The following PDE4D variants were observed in gnomAD, a reference collection of about 807,000 sequenced individuals.
PDE4D encodes phosphodiesterase 4D, also known as 3',5'-cyclic-AMP phosphodiesterase 4D.
Under a neutral mutation model 87.4 loss-of-function variants are expected in PDE4D, and 24 were observed. That is an observed-to-expected ratio of 0.27 (90% CI 0.20 to 0.39). The LOEUF is 0.39. Among genes scored for constraint, PDE4D ranks in the 10% least tolerant of loss-of-function variants. PDE4D has a pLI of 1.00. For missense variants in PDE4D, 714 were observed against 1,041.0 expected, an observed-to-expected ratio of 0.69 and a Z score of 4.32; for synonymous variants, 384 against 383.2, an observed-to-expected ratio of 1.00 and a Z score of -0.02.
chr5:59,841,556 G>T (rs1020167156), intron 1 of PDE4D, among the ~76,000 whole-genome samples: 1 of 151,954 alleles, frequency 6.6e-6, no homozygotes, highest in African/African-American at 2.4e-5. Context: ...CAGTCACAGG[G>T]CTAGGACCTG....
intron 1 of PDE4D, among the ~76,000 whole-genome samples, chr5:59,783,868 A>G (rs967994126): frequency 3.3e-5 from 5 of 152,100 alleles, no homozygotes; most frequent in African/African-American, 1.2e-4. Flanking sequence ...GGAGTTCAAG[A>G]CCAGCCTGGG....
At chr5:59,134,472 C>G (rs1776747758) in intron 5 of PDE4D, among the ~76,000 whole-genome samples, 1 of 152,028 alleles carries the variant, frequency 6.6e-6, no homozygotes, top group Non-Finnish European at 1.5e-5. Context: ...GAGAGAGAGA[C>G]AGTTTTCTCT....
intron 1 of PDE4D, chr5:59,217,234 G>T (rs749463963): frequency 2.2e-6 from 1 of 455,984 alleles, no homozygotes; most frequent in Non-Finnish European, 4.4e-6. Context: ...TGATAGCCCA[G>T]CAGGTGTGTG....
At chr5:59,418,308 A>G (rs536358828) in intron 1 of PDE4D, among the ~76,000 whole-genome samples, 36 of 152,290 alleles carry the variant, frequency 2.4e-4, no homozygotes, top group Non-Finnish European at 4.7e-4. Context: ...TCCTATCTAC[A>G]TGATTGCCTC....
intron 1 of PDE4D, among the ~76,000 whole-genome samples, chr5:59,360,973 C>T (rs981788283): frequency 1.3e-5 from 2 of 152,048 alleles, no homozygotes; most frequent in African/African-American, 2.4e-5. Context: ...AAGAGGCATG[C>T]TTAAATATAA....
intron 6 of PDE4D, among the ~76,000 whole-genome samples, chr5:59,033,116 TTTA>T (rs1757883453): frequency 6.6e-6 from 1 of 152,148 alleles, no homozygotes; most frequent in Non-Finnish European, 1.5e-5. Flanking sequence ...TAATAAATAC[TTTA>T]TAAAAGATAA....
At chr5:60,355,608 CTT>C (rs1484643756) in intron 1 of PDE4D, among the ~76,000 whole-genome samples, 1 of 152,084 alleles carries the variant, frequency 6.6e-6, no homozygotes, top group South Asian at 2.1e-4. Flanking sequence ...TTGAGTATAA[CTT>C]TTGACTCCCA....
At chr5:59,287,814 G>T (rs1427358709) in intron 1 of PDE4D, among the ~76,000 whole-genome samples, 1 of 152,122 alleles carries the variant, frequency 6.6e-6, no homozygotes, top group African/African-American at 2.4e-5. Flanking sequence ...AAGAGTCTCT[G>T]CCTGGTAATC....
intron 5 of PDE4D, among the ~76,000 whole-genome samples, chr5:59,104,133 CT>C (rs1771192771): frequency 1.3e-5 from 2 of 150,030 alleles, no homozygotes; most frequent in African/African-American, 5.0e-5. Context: ...AGATTACAAA[CT>C]TTTGAAAAAA....
chr5:59,431,438 TC>T (rs1235452220), intron 1 of PDE4D, among the ~76,000 whole-genome samples: 3 of 152,076 alleles, frequency 2.0e-5, no homozygotes, highest in Non-Finnish European at 2.9e-5. Flanking sequence ...AAAAATTATT[TC>T]TTATCCAGGA....
rs1273259588 is a variant in PDE4D, at chr5:59,971,997, C to T, written c.272+16491G>A. Among the ~76,000 whole-genome samples the T allele has an allele frequency of 9.9e-5, 15 of 152,172 alleles. No homozygotes were observed. The East Asian group carries it at 2.9e-3, about 29-fold the overall frequency. Reference sequence around the variant, plus strand: ...GCAGCTGGGAGGCTGGATCAGTCTGCCTGGGACCCTATTCCTCACCTGCTG... The same window carrying T: ...GCAGCTGGGAGGCTGGATCAGTCTGTCTGGGACCCTATTCCTCACCTGCTG... On this transcript the variant is annotated intron_variant, in intron 3 of 16. Transcript: ENST00000502484.
chr5:60,257,513 T>C (rs2149696570), intron 1 of PDE4D, among the ~76,000 whole-genome samples: 1 of 152,110 alleles, frequency 6.6e-6, no homozygotes, highest in Middle Eastern at 3.4e-3. Context: ...CTGTCCTGTT[T>C]TCAAAGGAGC....
intron 2 of PDE4D, among the ~76,000 whole-genome samples, chr5:60,049,284 T>G (rs979764197): frequency 1.3e-5 from 2 of 152,140 alleles, no homozygotes; most frequent in Non-Finnish European, 2.9e-5. Context: ...TTTTTCAAAG[T>G]TTTCAACTTC....
intron 2 of PDE4D, among the ~76,000 whole-genome samples, chr5:60,143,565 T>C (rs1544789): frequency 1 from 151,222 of 151,228 alleles, 75,608 homozygotes; most frequent in Middle Eastern, 1. Flanking sequence ...AGTCCTAACC[T>C]GAGTTCTGGT....
chr5:59,333,434 T>C (rs1777094346), intron 1 of PDE4D, among the ~76,000 whole-genome samples: 1 of 152,208 alleles, frequency 6.6e-6, no homozygotes, highest in Non-Finnish European at 1.5e-5. Context: ...TGTAACATGC[T>C]TCTTGGGAAG....
At chr5:60,401,377 T>C (rs1741068815) in intron 1 of PDE4D, among the ~76,000 whole-genome samples, 1 of 152,178 alleles carries the variant, frequency 6.6e-6, no homozygotes, top group Non-Finnish European at 1.5e-5. Context: ...GGGCAAATGA[T>C]GATAAAAAGA....
At chr5:59,720,677 A>G (rs1017174682) in intron 1 of PDE4D, among the ~76,000 whole-genome samples, 1 of 152,156 alleles carries the variant, frequency 6.6e-6, no homozygotes, top group African/African-American at 2.4e-5. Flanking sequence ...TTTTAAGTAC[A>G]ACAACATAGT....
intron 3 of PDE4D, among the ~76,000 whole-genome samples, chr5:59,905,769 T>C (rs964488574): frequency 4.6e-5 from 7 of 152,166 alleles, no homozygotes; most frequent in African/African-American, 1.7e-4. Context: ...TATATGATGT[T>C]ATACATATAA....
intron 1 of PDE4D, among the ~76,000 whole-genome samples, chr5:59,494,897 T>C (rs1390182714): frequency 1.3e-5 from 2 of 152,220 alleles, no homozygotes; most frequent in African/African-American, 4.8e-5. Context: ...ATGTGTTCTA[T>C]ACATTTCTAA....
Sources: allele counts gnomAD v4.1 joint callset (sites outside exome capture counted in the v4.1 genomes callset), GRCh38; gene constraint gnomAD v4.1.1; transcripts MANE v1.5; gene names NCBI Gene and HGNC (gene_info 2026-07-23, HGNC 2026-07-21).